The following BDKRB2 variants were observed in gnomAD, a reference collection of about 807,000 sequenced individuals.
BDKRB2 encodes the protein B2 bradykinin receptor.
In BDKRB2, 6 loss-of-function variants were observed where a neutral mutation model predicts 4.0. That is an observed-to-expected ratio of 1.49 (90% confidence interval 0.81 to 2.93). BDKRB2 has a LOEUF of 2.93. BDKRB2 is among the 30% of genes most tolerant of loss of function. The probability of loss-of-function intolerance (pLI) is 0.00; values close to 1 mark genes in which losing one functional copy is unlikely to be tolerated. For missense variants in BDKRB2, 478 were observed against 520.1 expected, an observed-to-expected ratio of 0.92 and a Z score of 0.79; for synonymous variants, 225 against 215.3, an observed-to-expected ratio of 1.05 and a Z score of -0.40.
Position 96,219,370 on chromosome 14 carries a change from G to A in BDKRB2, c.-40+14411G>A, listed in dbSNP as rs371691473. ...TCTTATGAGAAAAATAAATATCTCC[G>A]GTGTTTCCTCTGACTTGCCCAGGGC... On this transcript the variant is annotated intron_variant, in intron 1 of 2. Coordinates refer to ENST00000554311, the MANE Select transcript of BDKRB2 (RefSeq NM_001379692.1). Among the ~76,000 whole-genome samples, 16 of 151,992 alleles carry A rather than the reference G, an allele frequency of 1.1e-4. No homozygotes were observed. In the East Asian group the frequency reaches 1.7e-3, roughly 17 times the overall value.
chr14:96,234,215 T>C (rs983228705), intron 1 of BDKRB2: 1 of 152,232 alleles, frequency 6.6e-6, no homozygotes, highest in Non-Finnish European at 1.5e-5. Context: ...AGGCAGCATA[T>C]TGGGGTTCTG....
intron 2 of BDKRB2, chr14:96,238,432 GA>G (rs1890988513): frequency 2.0e-6 from 2 of 980,368 alleles, no homozygotes; most frequent in African/African-American, 3.5e-5. Flanking sequence ...TTGAAATGAA[GA>G]ATATCAAGTA....
At chr14:96,234,953 C>T (rs947682204) in intron 1 of BDKRB2, among the ~76,000 whole-genome samples, 3 of 152,128 alleles carry the variant, frequency 2.0e-5, no homozygotes, top group South Asian at 2.1e-4. Flanking sequence ...CAGTTCAGCC[C>T]GAGTGAGCCC....
intron 2 of BDKRB2, chr14:96,239,133 G>A: frequency 1.0e-6 from 1 of 985,482 alleles, no homozygotes; most frequent in Non-Finnish European, 1.2e-6. Flanking sequence ...GGACCTTCCA[G>A]AAAGAGCCCC....
chr14:96,207,532 G>C (rs181942084), intron 1 of BDKRB2, among the ~76,000 whole-genome samples: 1 of 152,178 alleles, frequency 6.6e-6, no homozygotes, highest in African/African-American at 2.4e-5. Context: ...AATGGTAGAG[G>C]CATGTCATTG....
At position 96,229,972 on chromosome 14, in the gene BDKRB2, C is replaced by CA. The variant is rs535349072; in HGVS notation, c.-39-7085dup. On this transcript the variant is annotated intron_variant, in intron 1 of 2. Coordinates refer to ENST00000554311, the MANE Select transcript of BDKRB2 (RefSeq NM_001379692.1). The stretch of plus-strand genomic sequence containing the variant: ...TGAAACCCTGTCTCTTCTAAAAATA[C>CA]AAAAAAAAAAAATTAGCCAGGTGTG... 6.7e-3 allele frequency among the ~76,000 whole-genome samples: 951 copies of CA among 142,708 alleles called. 9 individuals are homozygous for CA. Among genetic ancestry groups the CA allele is most frequent in the African/African-American group, 0.019 (753 of 39,184 alleles). The allele number at this position is 142,708 out of a possible 152,430, so 93.6% of individuals were successfully genotyped here.
Position 96,240,796 on chromosome 14 carries a change from C to A in BDKRB2, c.468C>A (p.Tyr156Ter). The change falls in exon 3 of 3, where the codon TAC (tyrosine) becomes TAA (stop). Residue 156 changes from tyrosine (Y) to a stop codon, truncating the protein, a stop_gained. Transcript: ENST00000554311. LOFTEE classifies it low-confidence loss of function (END_TRUNC). ...TGATGCTGGTGAGCATCGACCGCTA[C>A]CTGGCCCTGGTGAAAACCATGTCCA... ...CFLMLVSIDR[Y>*]LALVKTMSMG... 1 of 1,554,270 alleles carries A rather than the reference C, an allele frequency of 6.4e-7. No individual in the cohort carries two copies. The highest frequency in any genetic ancestry group is 8.7e-7 in the Non-Finnish European group (1 of 1,151,454).
At chr14:96,226,871 G>A (rs1298036976) in intron 1 of BDKRB2, among the ~76,000 whole-genome samples, 1 of 152,192 alleles carries the variant, frequency 6.6e-6, no homozygotes, top group Non-Finnish European at 1.5e-5. Flanking sequence ...GAATTCCAAC[G>A]GCGGAAGAAA....
intron 1 of BDKRB2, among the ~76,000 whole-genome samples, chr14:96,211,589 A>G (rs925183231): frequency 6.6e-6 from 1 of 151,760 alleles, no homozygotes; most frequent in Non-Finnish European, 1.5e-5. Context: ...ACCTGGGGGG[A>G]CTCCTCAAAT....
intron 1 of BDKRB2, among the ~76,000 whole-genome samples, chr14:96,225,086 T>C (rs1890663045): frequency 6.6e-6 from 1 of 152,276 alleles, no homozygotes; most frequent in African/African-American, 2.4e-5. Flanking sequence ...TGCCAATGGG[T>C]GAGGAGCTGA....
In BDKRB2 at chr14:96,240,956, G is replaced by T; in HGVS notation, c.628G>T (p.Ala210Ser). The change falls in exon 3 of 3, where the codon GCT (alanine) becomes TCT (serine). Residue 210 changes from alanine to serine, a missense_variant. Physicochemically the swap from Ala to Ser is moderately conservative, Grantham distance 99 (BLOSUM62 1). Transcript: ENST00000554311. Reference protein sequence around the residue: ...EYSDEGHNVTACVISYPSLIW... With the variant: ...EYSDEGHNVTSCVISYPSLIW... ...CAGCGATGAGGGCCACAACGTCACC[G>T]CTTGTGTCATCAGCTACCCATCCCT... 6.3e-7 allele frequency: 1 copy of T among 1,593,010 alleles called. No homozygotes were observed. The highest frequency in any genetic ancestry group is 8.6e-7 in the Non-Finnish European group (1 of 1,168,250).
intron 1 of BDKRB2, among the ~76,000 whole-genome samples, chr14:96,216,547 C>T (rs1384989258): frequency 6.6e-6 from 1 of 151,934 alleles, no homozygotes; most frequent in East Asian, 1.9e-4. Flanking sequence ...CGCTTGAACC[C>T]GGTGGGTAGA....
rs547139494 is a variant in BDKRB2, at chr14:96,222,290, C to T, written c.-39-14779C>T. 3.3e-5 allele frequency among the ~76,000 whole-genome samples: 5 copies of T among 152,192 alleles called. No homozygotes were observed. The East Asian group carries it at 5.8e-4, about 18-fold the overall frequency. On this transcript the variant is annotated intron_variant, in intron 1 of 2. Transcript: ENST00000554311. Reference sequence around the variant, plus strand: ...CAGCACTTCCCTGCGTTCACCAACTCGGAAGCTCTCCCAATCCTGTCTTTT... The same window carrying T: ...CAGCACTTCCCTGCGTTCACCAACTTGGAAGCTCTCCCAATCCTGTCTTTT...
At chr14:96,214,311 A>C (rs1890370282) in intron 1 of BDKRB2, among the ~76,000 whole-genome samples, 1 of 152,148 alleles carries the variant, frequency 6.6e-6, no homozygotes, top group Non-Finnish European at 1.5e-5. Context: ...CAGGCCCATC[A>C]CTTGACAGAA....
At chr14:96,236,558 C>T (rs1459020303) in intron 1 of BDKRB2, among the ~76,000 whole-genome samples, 1 of 152,220 alleles carries the variant, frequency 6.6e-6, no homozygotes, top group East Asian at 1.9e-4. Flanking sequence ...GGAATCCAGT[C>T]TCTCAGTCTC....
chr14:96,242,794 G>A lies in BDKRB2; in HGVS notation c.*1290G>A, dbSNP rs1040836728. On this transcript the variant is annotated 3_prime_UTR_variant, in exon 3 of 3. Coordinates refer to ENST00000554311, the MANE Select transcript of BDKRB2 (RefSeq NM_001379692.1). Reference sequence around the variant, plus strand: ...GGGGGAGAGTGCAGGCCTGCTCAGGGACTGTTCCTGTCTCAGCAACCAAGG... The same window carrying A: ...GGGGGAGAGTGCAGGCCTGCTCAGGAACTGTTCCTGTCTCAGCAACCAAGG... 2.0e-5 allele frequency: 3 copies of A among 152,420 alleles called. No homozygotes were observed. Among genetic ancestry groups the A allele is most frequent in the Non-Finnish European group, 4.4e-5 (3 of 68,204 alleles). The allele number at this position is 152,420 out of a possible 1,614,324, so 9.4% of individuals were successfully genotyped here. A position where few individuals can be genotyped will look rare whatever the true frequency, so the allele number is the denominator to read the frequency against.
intron 2 of BDKRB2, chr14:96,239,459 G>T (rs1336541760): frequency 8.1e-6 from 8 of 985,276 alleles, no homozygotes; most frequent in Non-Finnish European, 8.4e-6. Flanking sequence ...CTAGAAAGGT[G>T]CCTGCCCTAT....
chr14:96,238,624 T>C (rs1338295486), intron 2 of BDKRB2: 20 of 980,980 alleles, frequency 2.0e-5, no homozygotes, highest in Non-Finnish European at 2.4e-5. Context: ...CTGTCCAACA[T>C]CTAGTGTCAC....
chr14:96,224,085 T>C (rs1361872358), intron 1 of BDKRB2, among the ~76,000 whole-genome samples: 1 of 151,300 alleles, frequency 6.6e-6, no homozygotes, highest in African/African-American at 2.5e-5. Flanking sequence ...TAGAGAAGAA[T>C]AGTGAAATAT....
Sources: allele counts gnomAD v4.1 joint callset (sites outside exome capture counted in the v4.1 genomes callset), GRCh38; gene constraint gnomAD v4.1.1; transcripts MANE v1.5; gene names NCBI Gene and HGNC (gene_info 2026-07-23, HGNC 2026-07-21).